ANO3: variants seen among roughly 807,000 people sequenced by gnomAD.
ANO3 encodes the protein anoctamin-3.
In ANO3, 99 loss-of-function variants were observed where a neutral mutation model predicts 144.8. That is an observed-to-expected ratio of 0.68 (90% confidence interval 0.58 to 0.81). The LOEUF (loss-of-function observed/expected upper bound fraction) is 0.81, where lower values mean the gene tolerates loss of function less well. Among genes scored for constraint, ANO3 ranks in the 30% least tolerant of loss-of-function variants. The probability of loss-of-function intolerance (pLI) is 0.00; values close to 1 mark genes in which losing one functional copy is unlikely to be tolerated. For synonymous variants in ANO3, 414 were observed against 392.6 expected, an observed-to-expected ratio of 1.05 and a Z score of -0.64; for missense variants, 905 against 1,202.2, an observed-to-expected ratio of 0.75 and a Z score of 3.66.
intron 18 of ANO3, among the ~76,000 whole-genome samples, chr11:26,633,670 A>G (rs1852855989): frequency 6.6e-6 from 1 of 152,248 alleles, no homozygotes; most frequent in Admixed American, 6.5e-5. Context: ...ATGTGGGGAA[A>G]GTCTAAAGAT....
chr11:26,526,861 T>G (rs1213200702), intron 7 of ANO3, among the ~76,000 whole-genome samples: 1 of 152,128 alleles, frequency 6.6e-6, no homozygotes, highest in African/African-American at 2.4e-5. Context: ...TTGGTCCTGG[T>G]CTATGTAGCA....
chr11:26,439,819 A>T (rs1349287680), intron 1 of ANO3, among the ~76,000 whole-genome samples: 1 of 152,218 alleles, frequency 6.6e-6, no homozygotes, highest in Non-Finnish European at 1.5e-5. Flanking sequence ...GATAACATTC[A>T]TTTCATTTAG....
At chr11:26,306,402 T>C (rs1401048757), upstream of ANO3, among the ~76,000 whole-genome samples, 1 of 152,162 alleles carries the variant, frequency 6.6e-6, no homozygotes, top group African/African-American at 2.4e-5. Flanking sequence ...ATGGATAGAA[T>C]TGTCCCAAAC....
intron 1 of ANO3, among the ~76,000 whole-genome samples, chr11:26,281,030 CA>C (rs1853666771): frequency 2.6e-5 from 4 of 152,160 alleles, no homozygotes; most frequent in African/African-American, 9.7e-5. Flanking sequence ...TGCATTGGCA[CA>C]CAGATGTGCC....
intron 6 of ANO3, among the ~76,000 whole-genome samples, chr11:26,521,856 T>G (rs1413559189): frequency 6.6e-6 from 1 of 152,160 alleles, no homozygotes; most frequent in Non-Finnish European, 1.5e-5. Flanking sequence ...CCCACAAATA[T>G]TTTAAACAAA....
chr11:26,544,133 G>C, intron 11 of ANO3, among the ~76,000 whole-genome samples: 1 of 150,870 alleles, frequency 6.6e-6, no homozygotes, highest in Non-Finnish European at 1.5e-5. Context: ...ACATTTTAGT[G>C]TCAATAGTTA....
intron 14 of ANO3, among the ~76,000 whole-genome samples, chr11:26,578,682 A>G (rs1349947647): frequency 6.6e-6 from 1 of 152,198 alleles, no homozygotes; most frequent in Non-Finnish European, 1.5e-5. Context: ...ATTAGTCTCG[A>G]TAGACCACTT....
chr11:26,600,296 TTCCTCCCCTC>T (rs1335680354), intron 17 of ANO3, among the ~76,000 whole-genome samples: 1 of 41,772 alleles, frequency 2.4e-5, no homozygotes, highest in Non-Finnish European at 4.4e-5. Context: ...CCTCTCCCCT[TTCCTCCCCTC>T]TCCTCTCCTC....
intron 1 of ANO3, among the ~76,000 whole-genome samples, chr11:26,370,218 A>C (rs1480310902): frequency 6.6e-6 from 1 of 152,156 alleles, no homozygotes; most frequent in Admixed American, 6.5e-5. Context: ...TTCTCCTGAT[A>C]GTAAGTTTTA....
chr11:26,622,784 T>C (rs1271103484), intron 17 of ANO3, among the ~76,000 whole-genome samples: 1 of 152,222 alleles, frequency 6.6e-6, no homozygotes, highest in Non-Finnish European at 1.5e-5. Context: ...GGAATCATTA[T>C]ACCTACTTAA....
In ANO3 at chr11:26,294,264, T is replaced by C. The variant is rs1350914717; in HGVS notation, c.155-15381T>C. Among the ~76,000 whole-genome samples the C allele has an allele frequency of 3.3e-5, 5 of 152,316 alleles. No individual in the cohort carries two copies. The East Asian group carries it at 7.7e-4, about 24-fold the overall frequency. ...TTCGACATGAATTCCGTAAGACTGT[T>C]AGAGAGCCATTGAGCTATTCTGGAG... On this transcript the variant is annotated intron_variant, in intron 1 of 27. Transcript: ENST00000672621.
At chr11:26,324,035 T>C (rs1034386229) in intron 1 of ANO3, among the ~76,000 whole-genome samples, 1 of 152,206 alleles carries the variant, frequency 6.6e-6, no homozygotes, top group African/African-American at 2.4e-5. Flanking sequence ...ACAAGGTTTA[T>C]GTTTATCTGA....
At chr11:26,589,499 C>G (rs294003) in intron 14 of ANO3, among the ~76,000 whole-genome samples, 84,104 of 150,656 alleles carry the variant, frequency 0.56, 23,870 homozygotes, top group South Asian at 0.75. Context: ...GGGTTTTTTG[C>G]ATATTCACAG....
intron 8 of ANO3, among the ~76,000 whole-genome samples, chr11:26,532,431 A>C (rs1022059364): frequency 7.9e-5 from 12 of 152,150 alleles, no homozygotes; most frequent in Non-Finnish European, 1.3e-4. Context: ...CTGAAACCAG[A>C]GTAATCTTTG....
Position 26,663,068 on chromosome 11 carries a change from C to T in ANO3, c.*2624C>T, listed in dbSNP as rs1023781754. The T allele has an allele frequency of 6.6e-6, 1 of 152,376 alleles. No homozygotes were observed. Among genetic ancestry groups the T allele is most frequent in the African/African-American group, 2.4e-5 (1 of 41,396 alleles). 9.4% of individuals were successfully genotyped at this position (152,376 alleles called of 1,614,324 possible). On this transcript the variant is annotated 3_prime_UTR_variant, in exon 27 of 27. Coordinates refer to ENST00000256737, the MANE Select transcript of ANO3 (RefSeq NM_031418.4). ...GTTGTTCCAAGCTGAAGAGCTTTCA[C>T]TGTACAATGTGTGGAAAATCACCAT...
intron 1 of ANO3, among the ~76,000 whole-genome samples, chr11:26,333,007 G>T (rs1468397589): frequency 6.6e-6 from 1 of 151,978 alleles, no homozygotes; most frequent in South Asian, 2.1e-4. Flanking sequence ...TTTCTTATTT[G>T]GTTTAAAAGG....
intron 1 of ANO3, among the ~76,000 whole-genome samples, chr11:26,338,886 G>A (rs547207593): frequency 9.9e-5 from 15 of 152,182 alleles, no homozygotes; most frequent in Non-Finnish European, 2.1e-4. Context: ...AACACTCACC[G>A]CGAGGGTCCG....
intron 1 of ANO3, among the ~76,000 whole-genome samples, chr11:26,193,877 C>G (rs1204182462): frequency 6.6e-6 from 1 of 152,080 alleles, no homozygotes; most frequent in Non-Finnish European, 1.5e-5. Context: ...ACTGTGTAAA[C>G]TTTGCAGCAG....
intron 1 of ANO3, among the ~76,000 whole-genome samples, chr11:26,321,392 C>T (rs1476494159): frequency 6.6e-6 from 1 of 151,928 alleles, no homozygotes; most frequent in African/African-American, 2.4e-5. Context: ...TCTTTTTTGG[C>T]TCTTATATTA....
Sources: allele counts gnomAD v4.1 joint callset (sites outside exome capture counted in the v4.1 genomes callset), GRCh38; gene constraint gnomAD v4.1.1; transcripts MANE v1.5; gene names NCBI Gene and HGNC (gene_info 2026-07-23, HGNC 2026-07-21).